TC2N: variants seen among roughly 807,000 people sequenced by gnomAD.
TC2N encodes tandem C2 domains nuclear protein.
A neutral mutation model predicts 61.9 loss-of-function variants in TC2N; 51 were observed. That is an observed-to-expected ratio of 0.82 (90% CI 0.66 to 1.04). TC2N has a LOEUF of 1.04. Ranked by LOEUF, TC2N falls within the 50% of genes least tolerant of loss-of-function variation. The probability of loss-of-function intolerance (pLI) is 0.00; values close to 1 mark genes in which losing one functional copy is unlikely to be tolerated. For missense variants in TC2N, 556 were observed against 566.7 expected, an observed-to-expected ratio of 0.98 and a Z score of 0.19; for synonymous variants, 204 against 192.6, an observed-to-expected ratio of 1.06 and a Z score of -0.49.
chr14:91,815,000 A>T (rs1041092882), intron 1 of TC2N, among the ~76,000 whole-genome samples: 3 of 150,792 alleles, frequency 2.0e-5, no homozygotes, highest in Non-Finnish European at 3.0e-5. Context: ...AAGCATATTT[A>T]AAAAAAAGTA....
chr14:91,825,941 A>AATATT (rs1009975521), intron 1 of TC2N, among the ~76,000 whole-genome samples: 2 of 152,344 alleles, frequency 1.3e-5, no homozygotes, highest in African/African-American at 4.8e-5. Context: ...CAATTTTAAT[A>AATATT]AATGTTCCAT....
At chr14:91,856,674 C>T (rs866797015) in intron 1 of TC2N, among the ~76,000 whole-genome samples, 1 of 152,152 alleles carries the variant, frequency 6.6e-6, no homozygotes, top group African/African-American at 2.4e-5. Context: ...TATGGGAGCC[C>T]TCTCTGCACC....
Position 91,807,247 on chromosome 14 carries a change from C to T in TC2N, c.302-4826G>A, listed in dbSNP as rs183493446. ...TGGAAGGGAAATGTGGAGTTGAAGC[C>T]CCCACAGAGTCTCCACTGGGGCACT... On this transcript the variant is annotated intron_variant, in intron 3 of 11. Coordinates refer to ENST00000435962, the MANE Select transcript of TC2N (RefSeq NM_001128596.3). 4.6e-3 allele frequency among the ~76,000 whole-genome samples: 707 copies of T among 152,260 alleles called. 9 individuals are homozygous for T. The South Asian group carries it at 0.054, about 12-fold the overall frequency.
At chr14:91,854,535 A>G (rs1006600130) in intron 1 of TC2N, among the ~76,000 whole-genome samples, 4 of 139,636 alleles carry the variant, frequency 2.9e-5, no homozygotes, top group Admixed American at 2.1e-4. Flanking sequence ...GAGGAGGAGG[A>G]GGGGGTAAAA....
intron 1 of TC2N, among the ~76,000 whole-genome samples, chr14:91,852,482 C>A (rs1888395064): frequency 6.6e-6 from 1 of 152,056 alleles, no homozygotes; most frequent in African/African-American, 2.4e-5. Context: ...ATCGGGAAAC[C>A]TGCCTTTGAT....
At position 91,798,314 on chromosome 14, in the gene TC2N, C is replaced by G; in HGVS notation, c.723G>C (p.Trp241Cys). ...ACTAATTTACCTGTAAAACTGTGATCCAGATCTGTTCTACTGAAGAATTAT... is the reference window on the plus strand; with the variant it reads ...ACTAATTTACCTGTAAAACTGTGATGCAGATCTGTTCTACTGAAGAATTAT... ...LFYNSSVEQI[W>C]ITVLQCRDLS... Residue 241 changes from tryptophan (W) to cysteine (C), a missense_variant, in exon 7 of 12, where the codon TGG becomes TGC. Coordinates refer to ENST00000435962, the MANE Select transcript of TC2N (RefSeq NM_001128596.3). 1 of 1,565,680 alleles carries G rather than the reference C, an allele frequency of 6.4e-7. No individual in the cohort carries two copies. The highest frequency in any genetic ancestry group is 1.2e-5 in the South Asian group (1 of 86,198).
chr14:91,787,547 C>T lies in TC2N; in HGVS notation c.1128G>A (p.Arg376=). The change falls in exon 10 of 12, where the codon CGG becomes CGA. Residue 376 remains arginine (R), a synonymous_variant. Coordinates refer to ENST00000435962, the MANE Select transcript of TC2N (RefSeq NM_001128596.3). ...GAGGTGTTGATGAGCTTGGAAGGTA[C>T]CGTGCCTCAAGAATTTGTAACTGAA... ...SRIQLQILEA[R]YLPSSSTPLT... 1 of 1,612,642 alleles carries T rather than the reference C, an allele frequency of 6.2e-7. No individual in the cohort carries two copies. Among genetic ancestry groups the T allele is most frequent in the Non-Finnish European group, 8.5e-7 (1 of 1,179,368 alleles).
intron 3 of TC2N, 193 bp downstream of exon 3, chr14:91,812,119 A>T: frequency 3.1e-6 from 1 of 317,990 alleles, no homozygotes; most frequent in Non-Finnish European, 5.6e-6. Flanking sequence ...CATACAAATT[A>T]TTGTATTATG....
intron 6 of TC2N, among the ~76,000 whole-genome samples, 183 bp downstream of exon 6, chr14:91,798,806 C>T (rs1886049759): frequency 6.6e-6 from 1 of 151,846 alleles, no homozygotes; most frequent in South Asian, 2.1e-4. Context: ...AGAAATGGAC[C>T]ATGTGATCTG....
At chr14:91,801,916 C>A (rs1272862514) in intron 4 of TC2N, among the ~76,000 whole-genome samples, 1 of 152,096 alleles carries the variant, frequency 6.6e-6, no homozygotes, top group Non-Finnish European at 1.5e-5. Context: ...GTTTTGAGAA[C>A]ACCTAATATC....
At chr14:91,802,898 A>G (rs981001982) in intron 3 of TC2N, among the ~76,000 whole-genome samples, 1 of 152,182 alleles carries the variant, frequency 6.6e-6, no homozygotes, top group African/African-American at 2.4e-5. Flanking sequence ...GAAATCAAAT[A>G]GCAAAAATAA....
intron 1 of TC2N, among the ~76,000 whole-genome samples, chr14:91,855,568 CCAG>C (rs1215473813): frequency 2.2e-4 from 34 of 152,230 alleles, no homozygotes; most frequent in African/African-American, 8.0e-4. Flanking sequence ...TCACCCTATT[CCAG>C]CATGACCTTA....
intron 1 of TC2N, among the ~76,000 whole-genome samples, chr14:91,843,762 C>T (rs187541640): frequency 7.9e-5 from 12 of 152,282 alleles, no homozygotes; most frequent in African/African-American, 2.6e-4. Flanking sequence ...GGCAGATGAA[C>T]CCAATATTCA....
At chr14:91,859,057 G>C (rs1888540550) in intron 1 of TC2N, among the ~76,000 whole-genome samples, 1 of 152,058 alleles carries the variant, frequency 6.6e-6, no homozygotes, top group South Asian at 2.1e-4. Flanking sequence ...TCGGGATACT[G>C]GGATATTTGG....
chr14:91,852,309 T>C (rs1888391466), intron 1 of TC2N, among the ~76,000 whole-genome samples: 1 of 152,108 alleles, frequency 6.6e-6, no homozygotes, highest in African/African-American at 2.4e-5. Context: ...TGCATGCCTG[T>C]AGTCCCAGCT....
chr14:91,828,455 A>G (rs970132997), intron 1 of TC2N, among the ~76,000 whole-genome samples: 15 of 151,868 alleles, frequency 9.9e-5, no homozygotes, highest in African/African-American at 3.6e-4. Context: ...ATATAACTTT[A>G]CATTTATGTT....
In TC2N at chr14:91,798,285, C is replaced by G; in HGVS notation, c.738+14G>C. ...ATTTTGTAATAAAAGCTGGTATTAA[C>G]TATACTAATTTACCTGTAAAACTGT... On this transcript the variant is annotated intron_variant, in intron 7 of 11. Transcript: ENST00000435962. The G allele has an allele frequency of 7.5e-7, 1 of 1,333,284 alleles. No individual in the cohort carries two copies. Among genetic ancestry groups the G allele is most frequent in the Non-Finnish European group, 1.1e-6 (1 of 952,032 alleles). 82.6% of individuals were successfully genotyped at this position (1,333,284 alleles called of 1,614,324 possible).
intron 1 of TC2N, among the ~76,000 whole-genome samples, chr14:91,858,062 C>A (rs1454150404): frequency 2.0e-5 from 3 of 151,654 alleles, no homozygotes; most frequent in African/African-American, 7.3e-5. Flanking sequence ...ACTTCCTGGG[C>A]TTAAGTGATC....
rs1297605380 is a variant in TC2N at position 91,787,536 on chromosome 14, C to T, written c.1139G>A (p.Ser380Asn). Residue 380 changes from serine to asparagine, a missense_variant, in exon 10 of 12, where the codon AGC becomes AAC. Ser to Asn is a conservative substitution (Grantham distance 46). Coordinates refer to ENST00000435962, the MANE Select transcript of TC2N (RefSeq NM_001128596.3). Reference protein sequence around the residue: ...LQILEARYLPSSSTPLTLSFF... With the variant: ...LQILEARYLPNSSTPLTLSFF... ...ACTCAAAGTCAGAGGTGTTGATGAG[C>T]TTGGAAGGTACCGTGCCTCAAGAAT... The T allele has an allele frequency of 6.2e-7, 1 of 1,611,836 alleles. No individual in the cohort carries two copies. The highest frequency in any genetic ancestry group is 8.5e-7 in the Non-Finnish European group (1 of 1,178,866).
Sources: allele counts gnomAD v4.1 joint callset (sites outside exome capture counted in the v4.1 genomes callset), GRCh38; gene constraint gnomAD v4.1.1; transcripts MANE v1.5; gene names NCBI Gene and HGNC (gene_info 2026-07-23, HGNC 2026-07-21).